Variants in ULK4 observed in about 807,000 individuals in gnomAD.
The protein encoded by ULK4 is unc-51 like kinase 4.
Under a neutral mutation model 160.6 loss-of-function variants are expected in ULK4, and 133 were observed. The ratio of observed to expected loss-of-function variants is 0.83; its 90% confidence interval spans 0.72 to 0.96. The LOEUF is 0.96. ULK4 is among the 40% of genes least tolerant of loss of function. The pLI, the probability that ULK4 is intolerant of heterozygous loss-of-function variation, is 0.00. For missense variants in ULK4, 1,580 were observed against 1,499.5 expected, an observed-to-expected ratio of 1.05 and a Z score of -0.89; for synonymous variants, 534 against 539.8, an observed-to-expected ratio of 0.99 and a Z score of 0.15.
chr3:41,633,911 T>G (rs958393123), intron 30 of ULK4, among the ~76,000 whole-genome samples: 1 of 152,156 alleles, frequency 6.6e-6, no homozygotes, highest in Non-Finnish European at 1.5e-5. Context: ...TGTGCAATGA[T>G]GCACAGTGCT....
intron 17 of ULK4, among the ~76,000 whole-genome samples, chr3:41,847,621 A>G (rs1043347049): frequency 2.6e-5 from 4 of 152,212 alleles, no homozygotes; most frequent in Non-Finnish European, 5.9e-5. Flanking sequence ...TCTATTTGAT[A>G]CCACTTTGCC....
intron 35 of ULK4, among the ~76,000 whole-genome samples, chr3:41,334,755 C>T (rs1273431803): frequency 6.6e-6 from 1 of 152,170 alleles, no homozygotes; most frequent in African/African-American, 2.4e-5. Context: ...TATTTTAATA[C>T]ATGAAAACAT....
chr3:41,461,669 G>C (rs1348128581), intron 33 of ULK4, among the ~76,000 whole-genome samples: 1 of 152,166 alleles, frequency 6.6e-6, no homozygotes, highest in African/African-American at 2.4e-5. Flanking sequence ...GTATTAAGGA[G>C]TTTCCTTTCA....
intron 16 of ULK4, among the ~76,000 whole-genome samples, chr3:41,893,817 TACAAA>T (rs1194136339): frequency 1.3e-5 from 2 of 152,160 alleles, no homozygotes; most frequent in African/African-American, 2.4e-5. Flanking sequence ...ATTTTTTATA[TACAAA>T]ACAAAACTAA....
At chr3:41,759,688 GA>G (rs753827370) in intron 21 of ULK4, among the ~76,000 whole-genome samples, 97 of 152,062 alleles carry the variant, frequency 6.4e-4, no homozygotes, top group Non-Finnish European at 1.1e-3. Flanking sequence ...ATTTTGGGGG[GA>G]TATGCAAGAA....
At position 41,794,686 on chromosome 3, in the gene ULK4, A is replaced by AAAC. The variant is rs1553654814; in HGVS notation, c.2011-4844_2011-4843insGTT. 1.2e-4 allele frequency among the ~76,000 whole-genome samples: 14 copies of AAAC among 112,426 alleles called. 1 individual carries two copies. The highest frequency in any genetic ancestry group is 4.9e-3 in the Middle Eastern group (1 of 204). The allele number at this position is 112,426 out of a possible 152,430, so 73.8% of individuals were successfully genotyped here. A position where few individuals can be genotyped will look rare whatever the true frequency, so the allele number is the denominator to read the frequency against. On this transcript the variant is annotated intron_variant, in intron 20 of 36. Transcript: ENST00000301831. ...AAAAAAAAAAAAAAAAAAAAAAAAA[A>AAAC]CACAGAAAAAAAAACCACAAACCTG...
intron 35 of ULK4, among the ~76,000 whole-genome samples, chr3:41,306,951 T>C (rs975043095): frequency 4.6e-5 from 7 of 150,942 alleles, no homozygotes; most frequent in Non-Finnish European, 1.0e-4. Context: ...GAAGGCAGCA[T>C]GCTCGTTAAG....
intron 17 of ULK4, among the ~76,000 whole-genome samples, chr3:41,856,268 GT>G (rs2042333989): frequency 6.6e-6 from 1 of 151,612 alleles, no homozygotes; most frequent in Admixed American, 6.6e-5. Context: ...AAAAAAAGAA[GT>G]CTATTTAGCT....
At chr3:41,449,551 T>C (rs536652774) in intron 34 of ULK4, among the ~76,000 whole-genome samples, 144 of 152,094 alleles carry the variant, frequency 9.5e-4, no homozygotes, top group African/African-American at 3.3e-3. Flanking sequence ...AGACTACTAC[T>C]ACCCCTGGGC....
intron 35 of ULK4, among the ~76,000 whole-genome samples, chr3:41,345,551 A>G (rs2080780219): frequency 6.6e-6 from 1 of 152,220 alleles, no homozygotes; most frequent in Non-Finnish European, 1.5e-5. Context: ...GCATGTTCTC[A>G]CTTGTAAGTG....
intron 35 of ULK4, among the ~76,000 whole-genome samples, chr3:41,327,858 C>T (rs895556570): frequency 2.0e-5 from 3 of 152,192 alleles, no homozygotes; most frequent in Admixed American, 6.5e-5. Context: ...GGAGCACAGG[C>T]AGAGGGAAAG....
chr3:41,338,744 A>G (rs1302284547), intron 35 of ULK4, among the ~76,000 whole-genome samples: 2 of 152,008 alleles, frequency 1.3e-5, no homozygotes, highest in Non-Finnish European at 1.5e-5. Context: ...TGTGTATAAT[A>G]CATCTATATC....
chr3:41,912,956 C>G, intron 8 of ULK4, 57 bp from the exon 9 acceptor site: 1 of 1,533,914 alleles, frequency 6.5e-7, no homozygotes, highest in Non-Finnish European at 9.0e-7. Flanking sequence ...ATGAAAAATT[C>G]CCAAGACATG....
chr3:41,771,164 A>G (rs1181342907), intron 21 of ULK4, among the ~76,000 whole-genome samples: 1 of 152,222 alleles, frequency 6.6e-6, no homozygotes, highest in African/African-American at 2.4e-5. Flanking sequence ...CCTAAATCAT[A>G]TTCTATCTTT....
intron 34 of ULK4, among the ~76,000 whole-genome samples, chr3:41,416,811 G>C (rs1388186090): frequency 6.6e-6 from 1 of 152,156 alleles, no homozygotes; most frequent in East Asian, 1.9e-4. Context: ...AGGAAAAGGA[G>C]GGAGAAAGGG....
intron 35 of ULK4, among the ~76,000 whole-genome samples, chr3:41,313,522 C>T (rs2080090023): frequency 6.6e-6 from 1 of 152,050 alleles, no homozygotes; most frequent in Admixed American, 6.6e-5. Context: ...TCATTAATTT[C>T]TGCTCTTACA....
chr3:41,546,049 C>T (rs1025988794), intron 32 of ULK4, among the ~76,000 whole-genome samples: 2 of 152,032 alleles, frequency 1.3e-5, no homozygotes, highest in African/African-American at 4.8e-5. Context: ...TTTCAAAATT[C>T]TGACCTGTTA....
intron 27 of ULK4, among the ~76,000 whole-genome samples, chr3:41,698,645 T>C (rs537489886): frequency 2.0e-5 from 3 of 152,306 alleles, no homozygotes; most frequent in Middle Eastern, 3.4e-3. Context: ...CTTTACCAAG[T>C]TCTAAACCTT....
chr3:41,665,633 T>A (rs2035327846), intron 29 of ULK4, among the ~76,000 whole-genome samples: 1 of 152,054 alleles, frequency 6.6e-6, no homozygotes, highest in Admixed American at 6.5e-5. Flanking sequence ...ATTTCAAGAA[T>A]GAAAAAAATC....
Sources: gnomAD v4.1 joint callset for allele counts (sites outside exome capture counted in the v4.1 genomes callset) on GRCh38, gnomAD v4.1.1 for gene constraint, MANE v1.5 for transcripts, NCBI Gene and HGNC (gene_info 2026-07-23, HGNC 2026-07-21) for gene names.